Variants in C12orf76 observed in about 807,000 individuals in gnomAD.
C12orf76 encodes uncharacterized protein C12orf76.
Under a neutral mutation model 6.8 loss-of-function variants are expected in C12orf76, and 6 were observed. The observed-to-expected ratio is 0.88, with a 90% CI of 0.48 to 1.73. The LOEUF is 1.73. Ranked by LOEUF, C12orf76 falls within the 40% of genes most tolerant of loss-of-function variation. The pLI, the probability that C12orf76 is intolerant of heterozygous loss-of-function variation, is 0.01. For missense variants in C12orf76, 99 were observed against 98.2 expected (o/e 1.01, Z -0.03); for synonymous variants, 56 against 43.7 (o/e 1.28, Z -1.11).
intron 1 of C12orf76, 158 bp from the exon 2 acceptor site, chr12:110,042,617 A>ATATT: frequency 1.4e-6 from 1 of 705,944 alleles, no homozygotes; most frequent in Non-Finnish European, 2.6e-6. Context: ...TTGTCTCTAA[A>ATATT]TATAGTTGGG....
At chr12:110,047,059 CTG>C (rs1468680523) in intron 1 of C12orf76, among the ~76,000 whole-genome samples, 1 of 152,096 alleles carries the variant, frequency 6.6e-6, no homozygotes, top group Non-Finnish European at 1.5e-5. Context: ...ATGGCAAACA[CTG>C]AGTTCATGTA....
At position 110,042,393 on chromosome 12, in the gene C12orf76, T is replaced by A. The variant is rs1283753095; in HGVS notation, c.200A>T (p.Lys67Met). ...TVILMAFCVY[K>M]PIRRR ...TGGCTGTCACCGACGCCGAATGGGC[T>A]TGTAGACACAAAATGCCATAAGGAT... Residue 67 changes from lysine (K) to methionine (M), a missense_variant, in exon 2 of 2, where the codon AAG (lysine) becomes ATG (methionine). Transcript: ENST00000615315. 2 of 1,614,182 alleles carry A rather than the reference T, an allele frequency of 1.2e-6. No homozygotes were observed.
chr12:110,046,383 A>G (rs1892449203), intron 1 of C12orf76, among the ~76,000 whole-genome samples: 1 of 152,186 alleles, frequency 6.6e-6, no homozygotes, highest in African/African-American at 2.4e-5. Context: ...CTGAGACCGC[A>G]CCACTGCACT....
exon 3 of C12orf76, chr12:110,058,989 T>A: frequency 6.5e-7 from 1 of 1,542,750 alleles, no homozygotes; most frequent in South Asian, 1.2e-5. Context: ...TAGTATTACC[T>A]CCACCTAATA....
At position 110,043,328 on chromosome 12, in the gene C12orf76, A is replaced by T. The variant is rs370633709; in HGVS notation, c.134-869T>A. ...CGGATTTTAAGTTTAAAGAGAAGCC[A>T]CTAGGGGGCTGTAGGCAAAGGAATG... On this transcript the variant is annotated intron_variant, in intron 1 of 1. Coordinates refer to ENST00000615315, the MANE Select transcript of C12orf76 (RefSeq NM_001389625.1). Among the ~76,000 whole-genome samples the T allele has an allele frequency of 2.2e-4, 34 of 152,150 alleles. 1 individual carries two copies. The highest frequency in any genetic ancestry group is 7.5e-4 in the African/African-American group (31 of 41,512).
At chr12:110,047,024 T>C (rs1392942818) in intron 1 of C12orf76, among the ~76,000 whole-genome samples, 1 of 152,168 alleles carries the variant, frequency 6.6e-6, no homozygotes. Flanking sequence ...AGTAGAGTGC[T>C]AGGTACACAG....
At chr12:110,058,155 T>G (rs1474208534) in intron 3 of C12orf76, among the ~76,000 whole-genome samples, 1 of 151,150 alleles carries the variant, frequency 6.6e-6, no homozygotes, top group Non-Finnish European at 1.5e-5. Flanking sequence ...TCTAGATATC[T>G]CTTTATGTCC....
rs369650897 is a variant in C12orf76 at position 110,059,766 on chromosome 12, A to G, written n.381-603T>C. Among the ~76,000 whole-genome samples, 11 of 152,342 alleles carry G rather than the reference A, an allele frequency of 7.2e-5. No homozygotes were observed. In the South Asian group the frequency reaches 1.0e-3, roughly 14 times the overall value. The stretch of plus-strand genomic sequence containing the variant: ...GGTCTGGTCGCCAGGCTGAGAGCAC[A>G]TGGCCTGTAGGATGGAGGCTGTGAG... On this transcript the variant is annotated intron_variant and non_coding_transcript_variant, in intron 2 of 4. Coordinates refer to the C12orf76 transcript ENST00000309050.
chr12:110,066,087 C>T (rs554646274), intron 1 of C12orf76: 31 of 1,448,246 alleles, frequency 2.1e-5, no homozygotes, highest in East Asian at 1.0e-4. Context: ...TCTATTTCCC[C>T]GAAGATGGTC....
At chr12:110,057,284 C>T (rs750649247) in exon 4 of C12orf76, 4 of 1,611,814 alleles carry the variant, frequency 2.5e-6, no homozygotes, top group Admixed American at 3.3e-5. Flanking sequence ...AGTTCCTCTC[C>T]CCCTTACAGC....
At chr12:110,057,369 C>G (rs970619652) in intron 3 of C12orf76, 2 of 938,216 alleles carry the variant, frequency 2.1e-6, no homozygotes. Context: ...TCCCTTACCT[C>G]ATGACTAACC....
chr12:110,059,003 G>A (rs374197115), exon 3 of C12orf76: 67 of 1,548,004 alleles, frequency 4.3e-5, no homozygotes, highest in African/African-American at 3.3e-4. Context: ...CCTAATAGCC[G>A]AACAAACTGT....
chr12:110,066,477 C>T (rs1211317414), intron 1 of C12orf76, among the ~76,000 whole-genome samples: 1 of 144,588 alleles, frequency 6.9e-6, no homozygotes, highest in African/African-American at 2.6e-5. Flanking sequence ...CACCTGAGGT[C>T]GGGAGTTTGA....
At chr12:110,066,478 G>T (rs1391384081) in intron 1 of C12orf76, among the ~76,000 whole-genome samples, 1 of 149,938 alleles carries the variant, frequency 6.7e-6, no homozygotes, top group Non-Finnish European at 1.5e-5. Flanking sequence ...ACCTGAGGTC[G>T]GGAGTTTGAG....
chr12:110,057,848 G>A (rs1251998708), intron 3 of C12orf76, among the ~76,000 whole-genome samples: 5 of 151,942 alleles, frequency 3.3e-5, no homozygotes, highest in African/African-American at 7.3e-5. Context: ...TGGATAACTC[G>A]AGGTCAGGAG....
chr12:110,044,101 A>G (rs935792722), intron 1 of C12orf76: 1 of 152,174 alleles, frequency 6.6e-6, no homozygotes, highest in African/African-American at 2.4e-5. Flanking sequence ...GTGATACGCA[A>G]TCTTGTTTCT....
upstream of C12orf76, among the ~76,000 whole-genome samples, chr12:110,052,220 G>A (rs1266761110): frequency 4.6e-5 from 7 of 150,908 alleles, 1 homozygote; most frequent in African/African-American, 1.7e-4. Flanking sequence ...TTGAGACGGA[G>A]TCTCGCTCTG....
At chr12:110,056,446 G>A (rs192113766) in intron 4 of C12orf76, among the ~76,000 whole-genome samples, 9 of 152,158 alleles carry the variant, frequency 5.9e-5, no homozygotes, top group Admixed American at 4.6e-4. Flanking sequence ...TTACTGGGCC[G>A]GGGAGGATGG....
chr12:110,065,761 C>T, intron 2 of C12orf76: 1 of 1,603,530 alleles, frequency 6.2e-7, no homozygotes. Flanking sequence ...TTTCACTTCT[C>T]TGCATAATAC....
Sources: gnomAD v4.1 joint callset for allele counts (sites outside exome capture counted in the v4.1 genomes callset) on GRCh38, gnomAD v4.1.1 for gene constraint, MANE v1.5 for transcripts, NCBI Gene and HGNC (gene_info 2026-07-23, HGNC 2026-07-21) for gene names.